The following PCDHGB6 variants were observed in gnomAD, a reference collection of about 807,000 sequenced individuals.
The protein encoded by PCDHGB6 is protocadherin gamma subfamily B, 6.
PCDHGB6 carries 51 observed loss-of-function variants against 59.1 expected under a neutral mutation model. That is an observed-to-expected ratio of 0.86 (90% confidence interval 0.69 to 1.09). PCDHGB6 has a LOEUF of 1.09. PCDHGB6 is among the 50% of genes least tolerant of loss of function. The probability of loss-of-function intolerance (pLI) is 0.00; values close to 1 mark genes in which losing one functional copy is unlikely to be tolerated. For synonymous variants in PCDHGB6, 466 were observed against 495.1 expected (o/e 0.94, Z 0.78); for missense variants, 1,148 against 1,205.1 (o/e 0.95, Z 0.70).
At chr5:141,420,527 G>T (rs368419425) in intron 1 of PCDHGB6, 3 of 349,150 alleles carry the variant, frequency 8.6e-6, no homozygotes, top group Non-Finnish European at 1.5e-5. Flanking sequence ...ATACCTTTCG[G>T]TTAAAAATAT....
intron 1 of PCDHGB6, among the ~76,000 whole-genome samples, chr5:141,452,388 A>G (rs892688242): frequency 3.9e-5 from 6 of 152,210 alleles, no homozygotes; most frequent in Non-Finnish European, 5.9e-5. Flanking sequence ...TAGTATTTAG[A>G]AACTAAGATC....
chr5:141,481,924 A>G (rs1189494301), intron 1 of PCDHGB6, among the ~76,000 whole-genome samples: 1 of 151,648 alleles, frequency 6.6e-6, no homozygotes, highest in Non-Finnish European at 1.5e-5. Context: ...AAAAAAAAAA[A>G]AAAAAAAAAA....
intron 1 of PCDHGB6, chr5:141,422,984 G>A (rs752694873): frequency 4.5e-5 from 73 of 1,614,112 alleles, no homozygotes; most frequent in Non-Finnish European, 5.9e-5. Flanking sequence ...GCGGAACCTG[G>A]CTACCTGGTG....
intron 1 of PCDHGB6, chr5:141,423,658 CA>C: frequency 6.4e-7 from 1 of 1,571,150 alleles, no homozygotes; most frequent in Non-Finnish European, 8.6e-7. Flanking sequence ...GACAAGTAAT[CA>C]GGTGAGATTT....
At chr5:141,415,095 C>A (rs1045755927) in intron 1 of PCDHGB6, 2 of 1,613,466 alleles carry the variant, frequency 1.2e-6, no homozygotes, top group East Asian at 2.2e-5. Flanking sequence ...TGGACAGAGA[C>A]GCGCTCAAGC....
intron 1 of PCDHGB6, among the ~76,000 whole-genome samples, chr5:141,447,761 T>C (rs2098551051): frequency 1.3e-5 from 2 of 152,186 alleles, no homozygotes; most frequent in African/African-American, 4.8e-5. Context: ...TGACTGTATA[T>C]AAATTATACT....
At chr5:141,434,713 T>C (rs1377558306) in intron 1 of PCDHGB6, among the ~76,000 whole-genome samples, 1 of 152,088 alleles carries the variant, frequency 6.6e-6, no homozygotes, top group Non-Finnish European at 1.5e-5. Flanking sequence ...GGTAAATCTC[T>C]GTTCAGGGCT....
Position 141,423,508 on chromosome 5 carries a change from A to T in PCDHGB6, c.2418+12888A>T, listed in dbSNP as rs962526072. ...AACCTATTCCCACGAGGTCTCTCTCATTGCGGACTCGCAGAAGAGTCACCT... is the reference window on the plus strand; with the variant it reads ...AACCTATTCCCACGAGGTCTCTCTCTTTGCGGACTCGCAGAAGAGTCACCT... On this transcript the variant is annotated intron_variant, in intron 1 of 3. Coordinates refer to ENST00000520790, the MANE Select transcript of PCDHGB6 (RefSeq NM_018926.3). The T allele has an allele frequency of 9.9e-6, 16 of 1,613,742 alleles. No homozygotes were observed. The highest frequency in any genetic ancestry group is 1.6e-4 in the Middle Eastern group (1 of 6,084).
At chr5:141,469,671 A>T (rs1285283342) in intron 1 of PCDHGB6, among the ~76,000 whole-genome samples, 3 of 152,236 alleles carry the variant, frequency 2.0e-5, no homozygotes, top group Admixed American at 1.3e-4. Flanking sequence ...TTCTAATAAA[A>T]CTACATATGC....
rs532833925 is a variant in PCDHGB6 at position 141,410,263 on chromosome 5, A to G, written c.2061A>G (p.Glu687=). ...CTGTACTCTCTGACCCCCAGGCTGA[A>G]CTGCAGTTTTACCTGGTGGTGGCCT... ...DRPVLSDPQA[E]LQFYLVVALA... The change falls in exon 1 of 4, where the codon GAA becomes GAG. Residue 687 remains glutamate (E), a synonymous_variant. Coordinates refer to ENST00000520790, the MANE Select transcript of PCDHGB6 (RefSeq NM_018926.3). 1.4e-5 allele frequency: 22 copies of G among 1,613,876 alleles called. No homozygotes were observed. Among genetic ancestry groups the G allele is most frequent in the African/African-American group, 2.7e-5 (2 of 74,928 alleles).
Position 141,431,859 on chromosome 5 carries a change from C to T in PCDHGB6, c.2418+21239C>T. ...AACTCTCCCAGAGGGACATTAATTG[C>T]CCTTTTAAATGTAAATGACCAAGAT... On this transcript the variant is annotated intron_variant, in intron 1 of 3. Coordinates refer to ENST00000520790, the MANE Select transcript of PCDHGB6 (RefSeq NM_018926.3). The surrounding 1 kb of genome is among the most constrained non-coding windows in gnomAD (Gnocchi z 4.8). 3.1e-6 allele frequency: 5 copies of T among 1,614,178 alleles called. No homozygotes were observed. The highest frequency in any genetic ancestry group is 4.2e-6 in the Non-Finnish European group (5 of 1,180,008).
intron 1 of PCDHGB6, among the ~76,000 whole-genome samples, chr5:141,461,181 A>T (rs1322465700): frequency 1.3e-5 from 2 of 152,104 alleles, no homozygotes; most frequent in Non-Finnish European, 2.9e-5. Flanking sequence ...ATTGAATGGT[A>T]GATCTGTTTT....
At chr5:141,466,716 T>A (rs2099127818) in intron 1 of PCDHGB6, among the ~76,000 whole-genome samples, 1 of 152,210 alleles carries the variant, frequency 6.6e-6, no homozygotes, top group South Asian at 2.1e-4. Flanking sequence ...TGTTCTTGTT[T>A]CCATTTTAGC....
At chr5:141,481,739 G>A (rs1034725934) in intron 1 of PCDHGB6, among the ~76,000 whole-genome samples, 1 of 152,082 alleles carries the variant, frequency 6.6e-6, no homozygotes, top group Non-Finnish European at 1.5e-5. Flanking sequence ...GGATCACGAG[G>A]TCAGGAGTCC....
In PCDHGB6 at chr5:141,409,995, C is replaced by T; in HGVS notation, c.1793C>T (p.Ser598Leu). 2 of 1,613,308 alleles carry T rather than the reference C, an allele frequency of 1.2e-6. No individual in the cohort carries two copies. Among genetic ancestry groups the T allele is most frequent in the Non-Finnish European group, 1.7e-6 (2 of 1,179,826 alleles). Residue 598 changes from serine (S) to leucine (L), a missense_variant, in exon 1 of 4, where the codon TCG becomes TTG. Physicochemically the swap from Ser to Leu is moderately radical, Grantham distance 145. Transcript: ENST00000520790. The stretch of plus-strand genomic sequence containing the variant: ...AAGGTGGTAGCGGTGGACGCCGACT[C>T]GGGACACAACGCCTGGCTGTCCTAC... ...VTKVVAVDAD[S>L]GHNAWLSYHV...
In PCDHGB6 at chr5:141,415,213, G is replaced by A. The variant is rs750613524; in HGVS notation, c.2418+4593G>A. On this transcript the variant is annotated intron_variant, in intron 1 of 3. Coordinates refer to ENST00000520790, the MANE Select transcript of PCDHGB6 (RefSeq NM_018926.3). ...CATCCCCCAAGTCCTGGCGGACCTC[G>A]GCAGCTTCGAGTCTCCAGCTAACTC... 1.9e-6 allele frequency: 3 copies of A among 1,614,074 alleles called. No individual in the cohort carries two copies. In the East Asian group the frequency reaches 6.7e-5, roughly 36 times the overall value.
intron 1 of PCDHGB6, chr5:141,410,847 G>GTTTTTTT (rs773839667): frequency 8.8e-5 from 14 of 158,320 alleles, no homozygotes; most frequent in African/African-American, 4.2e-4. Flanking sequence ...TTTTGTCTTT[G>GTTTTTTT]TCTTTTTTTT....
In PCDHGB6 at chr5:141,431,501, C is replaced by G; in HGVS notation, c.2418+20881C>G. On this transcript the variant is annotated intron_variant, in intron 1 of 3. Coordinates refer to ENST00000520790, the MANE Select transcript of PCDHGB6 (RefSeq NM_018926.3). This position sits in a 1 kb window ranked among gnomAD's most constrained non-coding sequence, Gnocchi z 4.8. ...ACCAGCGTTTGCTCAGCCCGAGTAC[C>G]GCGCGAGCGTTCCGGAGAATCTGGC... is the stretch of plus-strand genomic sequence containing the variant. 1 of 1,614,010 alleles carries G rather than the reference C, an allele frequency of 6.2e-7. No homozygotes were observed. The highest frequency in any genetic ancestry group is 8.5e-7 in the Non-Finnish European group (1 of 1,180,034).
intron 1 of PCDHGB6, among the ~76,000 whole-genome samples, chr5:141,461,906 C>A (rs2154567542): frequency 6.6e-6 from 1 of 152,270 alleles, no homozygotes; most frequent in South Asian, 2.1e-4. Context: ...TCACTGCAAC[C>A]TCTGCCTCCT....
Sources: allele counts gnomAD v4.1 joint callset (sites outside exome capture counted in the v4.1 genomes callset), GRCh38; gene constraint gnomAD v4.1.1; non-coding constraint Gnocchi (gnomAD v3.1); transcripts MANE v1.5; gene names NCBI Gene and HGNC (gene_info 2026-07-23, HGNC 2026-07-21).